The following SAMD12 variants were observed in gnomAD, a reference collection of about 807,000 sequenced individuals.
SAMD12 encodes the protein sterile alpha motif domain-containing protein 12.
In SAMD12, 9 loss-of-function variants were observed where a neutral mutation model predicts 15.0. The ratio of observed to expected loss-of-function variants is 0.60; its 90% CI spans 0.36 to 1.05. The LOEUF is 1.05. Among genes scored for constraint, SAMD12 ranks in the 50% least tolerant of loss-of-function variants. SAMD12 has a pLI of 0.01. For missense variants in SAMD12, 230 were observed against 234.2 expected, an observed-to-expected ratio of 0.98 and a Z score of 0.12; for synonymous variants, 86 against 90.1, an observed-to-expected ratio of 0.96 and a Z score of 0.25.
At chr8:118,402,239 C>T (rs1397469633) in intron 3 of SAMD12, among the ~76,000 whole-genome samples, 2 of 152,094 alleles carry the variant, frequency 1.3e-5, no homozygotes, top group Non-Finnish European at 2.9e-5. Flanking sequence ...AAAGTGCATG[C>T]ATTTGACACT....
At chr8:118,225,728 C>T (rs1236191714) in intron 4 of SAMD12, among the ~76,000 whole-genome samples, 1 of 152,156 alleles carries the variant, frequency 6.6e-6, no homozygotes, top group Non-Finnish European at 1.5e-5. Context: ...GAGGATAAAA[C>T]AGTCCCCCTT....
downstream of SAMD12, among the ~76,000 whole-genome samples, chr8:118,188,395 T>C (rs1248638475): frequency 6.6e-6 from 1 of 152,136 alleles, no homozygotes; most frequent in East Asian, 1.9e-4. Flanking sequence ...AAATTGTGCT[T>C]TTAGGGTTGC....
intron 2 of SAMD12, among the ~76,000 whole-genome samples, chr8:118,456,655 G>A (rs1823262089): frequency 6.6e-6 from 1 of 152,200 alleles, no homozygotes; most frequent in Admixed American, 6.5e-5. Context: ...AAAAAGCCCA[G>A]GAGTGGCCTT....
intron 2 of SAMD12, among the ~76,000 whole-genome samples, chr8:118,494,641 A>G (rs1824553539): frequency 6.6e-6 from 1 of 152,218 alleles, no homozygotes; most frequent in Non-Finnish European, 1.5e-5. Flanking sequence ...CTGGTTAATT[A>G]CTACTTATTA....
the SAMD12 span, among the ~76,000 whole-genome samples, chr8:118,150,156 CAA>C: frequency 2.0e-5 from 3 of 152,206 alleles, no homozygotes; most frequent in Non-Finnish European, 4.4e-5. Context: ...GTCCCCACAA[CAA>C]AGAGTTATCT....
the SAMD12 span, among the ~76,000 whole-genome samples, chr8:118,182,996 T>C: frequency 2.8e-4 from 43 of 152,332 alleles, no homozygotes; most frequent in Middle Eastern, 0.01. Context: ...TCGAATTAGC[T>C]AGTTTTTCGG....
chr8:118,603,260 T>C (rs1343860968), intron 1 of SAMD12, among the ~76,000 whole-genome samples: 1 of 152,170 alleles, frequency 6.6e-6, no homozygotes, highest in Non-Finnish European at 1.5e-5. Flanking sequence ...AACATGCATT[T>C]CCATTCAGTA....
Position 118,436,971 on chromosome 8 carries a change from C to T in SAMD12, c.322+2861G>A, listed in dbSNP as rs531798726. Among the ~76,000 whole-genome samples the T allele has an allele frequency of 1.9e-3, 287 of 152,262 alleles. 1 individual carries two copies. In the Middle Eastern group the frequency reaches 0.027, roughly 14 times the overall value. On this transcript the variant is annotated intron_variant, in intron 3 of 3. Transcript: ENST00000314727. Reference sequence around the variant, plus strand: ...CAACCTTTACAAAATCACAAGGTTGCGATGCAGCTCTGGGCTGTGACCTGG... The same window carrying T: ...CAACCTTTACAAAATCACAAGGTTGTGATGCAGCTCTGGGCTGTGACCTGG...
At chr8:118,297,737 A>G (rs1291079477) in intron 4 of SAMD12, among the ~76,000 whole-genome samples, 1 of 152,194 alleles carries the variant, frequency 6.6e-6, no homozygotes, top group Non-Finnish European at 1.5e-5. Context: ...TAGAATATGG[A>G]TTCTCTAAAA....
intron 2 of SAMD12, among the ~76,000 whole-genome samples, chr8:118,510,229 TACACACAAAC>T (rs1156771622): frequency 6.6e-6 from 1 of 150,892 alleles, no homozygotes; most frequent in Non-Finnish European, 1.5e-5. Context: ...CACACACACA[TACACACAAAC>T]ACGCACACAT....
chr8:118,489,944 T>C (rs967280252), intron 2 of SAMD12, among the ~76,000 whole-genome samples: 1 of 152,196 alleles, frequency 6.6e-6, no homozygotes, highest in Non-Finnish European at 1.5e-5. Context: ...GAAGCAGCTC[T>C]GCTCTCCTGA....
chr8:118,206,813 C>T (rs899355242), intron 4 of SAMD12, among the ~76,000 whole-genome samples: 1 of 152,182 alleles, frequency 6.6e-6, no homozygotes, highest in African/African-American at 2.4e-5. Context: ...AATAATGTTG[C>T]AGGGACACTG....
intron 1 of SAMD12, among the ~76,000 whole-genome samples, chr8:118,605,916 CTAATAAATGT>C (rs1827976872): frequency 6.6e-6 from 1 of 151,194 alleles, no homozygotes; most frequent in Non-Finnish European, 1.5e-5. Context: ...CAGTGAGTGC[CTAATAAATGT>C]TAACAACTGG....
intron 4 of SAMD12, among the ~76,000 whole-genome samples, chr8:118,225,927 G>A (rs758443687): frequency 1.3e-5 from 2 of 152,138 alleles, no homozygotes; most frequent in Non-Finnish European, 2.9e-5. Context: ...AGTCTCCAGA[G>A]CAGCTTCGAT....
intron 3 of SAMD12, among the ~76,000 whole-genome samples, chr8:118,438,167 G>A (rs1822627932): frequency 6.6e-6 from 1 of 152,124 alleles, no homozygotes; most frequent in African/African-American, 2.4e-5. Context: ...TACCCACACT[G>A]CCTTCCGAAT....
intron 2 of SAMD12, among the ~76,000 whole-genome samples, chr8:118,531,041 C>T (rs1009473492): frequency 1.3e-5 from 2 of 152,292 alleles, no homozygotes; most frequent in Admixed American, 6.5e-5. Flanking sequence ...AGGTTTTCTT[C>T]TAGGGTTTTT....
At chr8:118,408,267 C>A (rs2130805793) in intron 3 of SAMD12, among the ~76,000 whole-genome samples, 1 of 152,310 alleles carries the variant, frequency 6.6e-6, no homozygotes, top group East Asian at 1.9e-4. Flanking sequence ...CTACACACCA[C>A]TGGAGAGAAA....
intron 2 of SAMD12, among the ~76,000 whole-genome samples, chr8:118,483,452 T>A (rs1220680795): frequency 6.6e-6 from 1 of 152,214 alleles, no homozygotes; most frequent in Non-Finnish European, 1.5e-5. Context: ...ACAATTTGCT[T>A]TAACAAATAA....
chr8:118,289,855 T>G (rs1466027252), intron 4 of SAMD12, among the ~76,000 whole-genome samples: 2 of 152,328 alleles, frequency 1.3e-5, no homozygotes, highest in African/African-American at 4.8e-5. Context: ...CCAGCTTCTT[T>G]TGAGATACAG....
Sources: allele counts gnomAD v4.1 joint callset (sites outside exome capture counted in the v4.1 genomes callset), GRCh38; gene constraint gnomAD v4.1.1; transcripts MANE v1.5; gene names NCBI Gene and HGNC (gene_info 2026-07-23, HGNC 2026-07-21).